Variants in GRM6 observed in about 807,000 individuals in gnomAD.
The protein encoded by GRM6 is metabotropic glutamate receptor 6.
In GRM6, 73 loss-of-function variants were observed where a neutral mutation model predicts 78.4. That is an observed-to-expected ratio of 0.93 (90% CI 0.77 to 1.13). The LOEUF (loss-of-function observed/expected upper bound fraction) is 1.13, where lower values mean the gene tolerates loss of function less well. GRM6 is among the 50% of genes most tolerant of loss of function. GRM6 has a pLI of 0.00. For missense variants in GRM6, 1,251 were observed against 1,256.4 expected (o/e 1.00, Z 0.07); for synonymous variants, 580 against 555.0 (o/e 1.05, Z -0.63).
chr5:178,990,442 C>T (rs990765256), intron 5 of GRM6, 150 bp downstream of exon 5: 51 of 730,270 alleles, frequency 7.0e-5, no homozygotes, highest in Admixed American at 3.4e-4. Context: ...TGGAGGGACG[C>T]GTCCACAGAT....
In GRM6 at chr5:178,994,888, C is replaced by A. The variant is rs760481746; in HGVS notation, c.57G>T (p.Ala19=). The A allele has an allele frequency of 5.8e-6, 7 of 1,208,680 alleles. No homozygotes were observed. The South Asian group carries it at 1.5e-4, about 27-fold the overall frequency. The allele number at this position is 1,208,680 out of a possible 1,614,324, so 74.9% of individuals were successfully genotyped here. The change falls in exon 2 of 11, where the codon GCG becomes GCT. Residue 19 remains alanine, a synonymous_variant. Transcript: ENST00000517717. The part of the protein sequence containing the change: ...EPLLVALLPL[A]WLAQAGLARA... ...GCGCCAGGCCCGCCTGCGCCAGCCA[C>A]GCCAGCGGCAGCAGCGCCACGAGCA... is the stretch of plus-strand genomic sequence containing the variant.
In GRM6 at chr5:178,991,528, A is replaced by T; in HGVS notation, c.753T>A (p.Ile251=). The part of the protein sequence containing the change: ...GGVCIAQSIK[I]PREPKPGEFS... ...ACTCTCCTGGCTTTGGTTCCCTGGG[A>T]ATCTTGATAGACTGGGCAATACAGA... Residue 251 remains isoleucine (I), a synonymous_variant, in exon 4 of 11, where the codon ATT becomes ATA. Coordinates refer to ENST00000517717, the MANE Select transcript of GRM6 (RefSeq NM_000843.4). The surrounding 1 kb of genome is among the most constrained non-coding windows in gnomAD (Gnocchi z 5.0). 1 of 1,613,730 alleles carries T rather than the reference A, an allele frequency of 6.2e-7. No individual in the cohort carries two copies. Among genetic ancestry groups the T allele is most frequent in the Non-Finnish European group, 8.5e-7 (1 of 1,179,856 alleles).
chr5:178,989,299 AC>A lies in GRM6; in HGVS notation c.1118del (p.Gly373ValfsTer32), dbSNP rs761232961. 3 of 1,600,514 alleles carry A rather than the reference AC, an allele frequency of 1.9e-6. No homozygotes were observed. In the African/African-American group the frequency reaches 4.1e-5, roughly 22 times the overall value. On this transcript the variant is annotated frameshift_variant, in exon 6 of 11. Coordinates refer to ENST00000517717, the MANE Select transcript of GRM6 (RefSeq NM_000843.4). LOFTEE classifies it high-confidence loss of function. Reference protein sequence around the residue: ...ENFNCKLTSSGTQSDDSTRKC... With the variant: ...ENFNCKLTSSXTQSDDSTRKC... ...TGCGGGTGGAATCGTCTGACTGGGT[AC>A]CTGAGCTGGTCAGTTTGCAGTTAAA...
At chr5:178,983,349 T>A in intron 9 of GRM6, 128 bp from the exon 10 acceptor site, 4 of 819,784 alleles carry the variant, frequency 4.9e-6, no homozygotes, top group Non-Finnish European at 8.1e-6. Flanking sequence ...CTCCACCTCT[T>A]CGTGGTGGCT....
At chr5:178,990,893 G>A in intron 4 of GRM6, 147 bp from the exon 5 acceptor site, 1 of 691,800 alleles carries the variant, frequency 1.4e-6, no homozygotes, top group South Asian at 1.9e-5. Context: ...GGGGCATTTA[G>A]GGCACCTTCC....
At position 178,986,511 on chromosome 5, in the gene GRM6, C is replaced by A; in HGVS notation, c.1743G>T (p.Trp581Cys). 2 of 1,608,882 alleles carry A rather than the reference C, an allele frequency of 1.2e-6. No homozygotes were observed. Among genetic ancestry groups the A allele is most frequent in the Non-Finnish European group, 8.5e-7 (1 of 1,178,670 alleles). Residue 581 changes from tryptophan (W) to cysteine (C), a missense_variant, in exon 9 of 11, where the codon TGG (tryptophan) becomes TGT (cysteine). Coordinates refer to ENST00000517717, the MANE Select transcript of GRM6 (RefSeq NM_000843.4). ...GCGGCGGGGCTGCCCAGGGGGAGGA[C>A]CAGCTCAGGCGCACCACAGGTGTGG... ...CRPTPVVRLS[W>C]SSPWAAPPLL...
chr5:178,989,261 T>C lies in GRM6; in HGVS notation c.1153+4A>G. The stretch of plus-strand genomic sequence containing the variant: ...CCACCCTCACCACCCTGGGCAGCTC[T>C]CACCTGTGCATTTGCGGGTGGAATC... On this transcript the variant is annotated splice_donor_region_variant and intron_variant, in intron 6 of 10. Transcript: ENST00000517717. 1 of 1,569,168 alleles carries C rather than the reference T, an allele frequency of 6.4e-7. No homozygotes were observed. The highest frequency in any genetic ancestry group is 8.6e-7 in the Non-Finnish European group (1 of 1,159,038).
chr5:178,990,793 C>T lies in GRM6; in HGVS notation c.858-47G>A, dbSNP rs769207191. 2.7e-6 allele frequency: 4 copies of T among 1,485,208 alleles called. No homozygotes were observed. The Admixed American group carries it at 7.9e-5, about 29-fold the overall frequency. 92.0% of individuals were successfully genotyped at this position (1,485,208 alleles called of 1,614,324 possible). ...TGAGGGAGGGCCTGGGAGCCTCCTC[C>T]AGCTCGGCCCCCATCCCTTCCCACT... is the stretch of plus-strand genomic sequence containing the variant. On this transcript the variant is annotated intron_variant, in intron 4 of 10. Coordinates refer to ENST00000517717, the MANE Select transcript of GRM6 (RefSeq NM_000843.4).
In GRM6 at chr5:178,991,561, T is replaced by A. The variant is rs1245839329; in HGVS notation, c.722-2A>T. 1 of 1,613,428 alleles carries A rather than the reference T, an allele frequency of 6.2e-7. No homozygotes were observed. The highest frequency in any genetic ancestry group is 1.3e-5 in the African/African-American group (1 of 74,862). ...TAGACTGGGCAATACAGACCCCCCC[T>A]GGGCGTTGGGGGTGCCAGAGTCAGC... On this transcript the variant is annotated splice_acceptor_variant, in intron 3 of 10. Coordinates refer to ENST00000517717, the MANE Select transcript of GRM6 (RefSeq NM_000843.4). LOFTEE classifies it high-confidence loss of function. The surrounding 1 kb of genome is among the most constrained non-coding windows in gnomAD (Gnocchi z 5.0).
rs1760330302 is a variant in GRM6 at position 178,978,514 on chromosome 5, T to C, written c.*3143A>G. 2 of 152,126 alleles carry C rather than the reference T, an allele frequency of 1.3e-5. No homozygotes were observed. The highest frequency in any genetic ancestry group is 6.5e-5 in the Admixed American group (1 of 15,296). The allele number at this position is 152,126 out of a possible 1,614,324, so 9.4% of individuals were successfully genotyped here. A position where few individuals can be genotyped will look rare whatever the true frequency, so the allele number is the denominator to read the frequency against. Reference sequence around the variant, plus strand: ...ACACAAGTGAGACAGCCTAAGAAAATGGTTACTATACAGAAGCTCTTCTGT... The same window carrying C: ...ACACAAGTGAGACAGCCTAAGAAAACGGTTACTATACAGAAGCTCTTCTGT... On this transcript the variant is annotated 3_prime_UTR_variant, in exon 11 of 11. Coordinates refer to ENST00000517717, the MANE Select transcript of GRM6 (RefSeq NM_000843.4).
At chr5:178,990,990 G>A (rs558502999) in intron 4 of GRM6, among the ~76,000 whole-genome samples, 2 of 152,226 alleles carry the variant, frequency 1.3e-5, no homozygotes, top group East Asian at 3.9e-4. Context: ...CTCCTTGGGG[G>A]AAAATCCAGT....
intron 9 of GRM6, among the ~76,000 whole-genome samples, chr5:178,983,920 T>A (rs77145995): frequency 4.6e-5 from 7 of 152,080 alleles, no homozygotes; most frequent in African/African-American, 1.7e-4. Flanking sequence ...GAGCGCCTGA[T>A]TGGGGGCAGG....
In GRM6 at chr5:178,994,860, C is replaced by T. The variant is rs1760745720; in HGVS notation, c.85G>A (p.Ala29Thr). ...AWLAQAGLAR[A>T]AGSVRLAGGL... ...CCCGCCAGGCGCACAGAGCCCGCCG[C>T]GCGCGCCAGGCCCGCCTGCGCCAGC... The change falls in exon 2 of 11, where the codon GCG (alanine) becomes ACG (threonine). Residue 29 changes from alanine to threonine, a missense_variant. By Grantham distance (58) the Ala-to-Thr change is moderately conservative. Transcript: ENST00000517717. 8.3e-7 allele frequency: 1 copy of T among 1,208,502 alleles called. No individual in the cohort carries two copies. Among genetic ancestry groups the T allele is most frequent in the Non-Finnish European group, 1.0e-6 (1 of 972,530 alleles). 74.9% of individuals were successfully genotyped at this position (1,208,502 alleles called of 1,614,324 possible). A position where few individuals can be genotyped will look rare whatever the true frequency, so the allele number is the denominator to read the frequency against.
At chr5:178,983,515 TG>T (rs1449188984) in intron 9 of GRM6, 5 of 612,586 alleles carry the variant, frequency 8.2e-6, no homozygotes, top group African/African-American at 1.8e-5. Context: ...AGGGGCAGCT[TG>T]GTGTCCTCTT....
chr5:178,985,567 G>T (rs547621346), intron 9 of GRM6: 40 of 339,082 alleles, frequency 1.2e-4, no homozygotes, highest in Admixed American at 2.8e-4. Context: ...GCCGGGCGTG[G>T]TGGCGGGCGC....
intron 10 of GRM6, 194 bp downstream of exon 10, chr5:178,982,716 G>T: frequency 3.9e-6 from 2 of 517,358 alleles, no homozygotes; most frequent in Non-Finnish European, 3.4e-6. Context: ...AAAAAAAGAA[G>T]AGTGGAAGTT....
chr5:178,983,289 G>C (rs1320530744), intron 9 of GRM6, 68 bp from the exon 10 acceptor site: 1 of 1,357,536 alleles, frequency 7.4e-7, no homozygotes, highest in South Asian at 1.2e-5. Context: ...CCCTGACAGA[G>C]GCCCCTGCGG....
At position 178,988,301 on chromosome 5, in the gene GRM6, A is replaced by G. The variant is rs1760605506; in HGVS notation, c.1354+634T>C. ...TGCAGAGATGCTCTGGAGTCATATTAAATGGAATTGATTAGCAGAGAGCAT... is the reference window on the plus strand; with the variant it reads ...TGCAGAGATGCTCTGGAGTCATATTGAATGGAATTGATTAGCAGAGAGCAT... On this transcript the variant is annotated intron_variant, in intron 7 of 10. Coordinates refer to ENST00000517717, the MANE Select transcript of GRM6 (RefSeq NM_000843.4). The surrounding 1 kb of genome is among the most constrained non-coding windows in gnomAD (Gnocchi z 6.0). Among the ~76,000 whole-genome samples the G allele has an allele frequency of 6.6e-6, 1 of 152,182 alleles. No homozygotes were observed. Among genetic ancestry groups the G allele is most frequent in the Admixed American group, 6.5e-5 (1 of 15,290 alleles).
intron 9 of GRM6, 139 bp from the exon 10 acceptor site, chr5:178,983,360 C>T: frequency 1.3e-6 from 1 of 771,146 alleles, no homozygotes; most frequent in Non-Finnish European, 2.2e-6. Flanking sequence ...CGTGGTGGCT[C>T]TCAGGAGCAC....
Sources: allele counts gnomAD v4.1 joint callset (sites outside exome capture counted in the v4.1 genomes callset), GRCh38; gene constraint gnomAD v4.1.1; non-coding constraint Gnocchi (gnomAD v3.1); transcripts MANE v1.5; gene names NCBI Gene and HGNC (gene_info 2026-07-23, HGNC 2026-07-21).